TRPC4: variants seen among roughly 807,000 people sequenced by gnomAD.
TRPC4 encodes the protein transient receptor potential cation channel subfamily C member 4, also known as short transient receptor potential channel 4.
TRPC4 carries 49 observed loss-of-function variants against 99.4 expected under a neutral mutation model. The observed-to-expected ratio is 0.49, with a 90% CI of 0.39 to 0.63. TRPC4 has a LOEUF of 0.63. TRPC4 is among the 20% of genes least tolerant of loss of function. TRPC4 has a pLI of 0.00. For missense variants in TRPC4, 898 were observed against 1,152.9 expected (o/e 0.78, Z 3.20); for synonymous variants, 454 against 425.9 (o/e 1.07, Z -0.81).
intron 3 of TRPC4, among the ~76,000 whole-genome samples, chr13:37,721,273 C>G (rs191222876): frequency 6.6e-6 from 1 of 152,024 alleles, no homozygotes; most frequent in East Asian, 1.9e-4. Context: ...GTAGTAAGCT[C>G]AATTTATTTT....
At chr13:37,710,869 C>G (rs937910223) in intron 3 of TRPC4, among the ~76,000 whole-genome samples, 4 of 151,780 alleles carry the variant, frequency 2.6e-5, no homozygotes, top group African/African-American at 9.7e-5. Context: ...GAAAGATAGA[C>G]TATTGCTTTT....
chr13:37,709,851 T>G (rs1328840880), intron 3 of TRPC4, among the ~76,000 whole-genome samples: 1 of 152,004 alleles, frequency 6.6e-6, no homozygotes, highest in Non-Finnish European at 1.5e-5. Context: ...TTTTGAAAAT[T>G]TTTTTAGAAT....
chr13:37,741,287 C>T (rs904219952), intron 3 of TRPC4, among the ~76,000 whole-genome samples: 4 of 152,168 alleles, frequency 2.6e-5, no homozygotes, highest in African/African-American at 9.7e-5. Context: ...GGAATGACTA[C>T]ATGGAAGTAA....
chr13:37,765,475 C>T lies in TRPC4; in HGVS notation c.378+17481G>A, dbSNP rs79862856. ...CATGTGGAATTCAGCTGTTATTTGA[C>T]ATGTATTTCTCCCCTGATAGATTTT... On this transcript the variant is annotated intron_variant, in intron 2 of 10. Transcript: ENST00000379705. Among the ~76,000 whole-genome samples the T allele has an allele frequency of 2.7e-3, 412 of 151,402 alleles. 1 individual carries two copies. Among genetic ancestry groups the T allele is most frequent in the Non-Finnish European group, 5.3e-3 (358 of 67,530 alleles).
intron 2 of TRPC4, among the ~76,000 whole-genome samples, chr13:37,752,926 A>T (rs1423976433): frequency 6.6e-6 from 1 of 151,972 alleles, no homozygotes; most frequent in Non-Finnish European, 1.5e-5. Context: ...GGGTGGAAAA[A>T]GGTGTTTTGT....
chr13:37,664,388 A>G lies in TRPC4; in HGVS notation c.1375-659T>C, dbSNP rs375224451. ...TGGGAGTTCGCGACCAGCCTGACCAACATGGAGAAACCCCGTCTCTACTAA... is the reference window on the plus strand; with the variant it reads ...TGGGAGTTCGCGACCAGCCTGACCAGCATGGAGAAACCCCGTCTCTACTAA... On this transcript the variant is annotated intron_variant, in intron 5 of 10. Transcript: ENST00000379705. Among the ~76,000 whole-genome samples the G allele has an allele frequency of 5.3e-5, 8 of 152,230 alleles. No individual in the cohort carries two copies. The East Asian group carries it at 7.8e-4, about 15-fold the overall frequency.
At chr13:37,664,346 G>A (rs1473791155) in intron 5 of TRPC4, among the ~76,000 whole-genome samples, 3 of 152,148 alleles carry the variant, frequency 2.0e-5, no homozygotes, top group African/African-American at 7.2e-5. Context: ...GGCCGAAGCT[G>A]GCGAATTACC....
In TRPC4 at chr13:37,856,628, C is replaced by T. The variant is rs546508238; in HGVS notation, c.-28+12967G>A. Reference sequence around the variant, plus strand: ...TCTGATGAATATTGAGACAAAAATCCCCAACAAAATATGAGCAAACTGAAT... The same window carrying T: ...TCTGATGAATATTGAGACAAAAATCTCCAACAAAATATGAGCAAACTGAAT... On this transcript the variant is annotated intron_variant, in intron 1 of 10. Transcript: ENST00000379705. 1.2e-3 allele frequency among the ~76,000 whole-genome samples: 174 copies of T among 150,730 alleles called. 2 individuals are homozygous for T. The highest frequency in any genetic ancestry group is 0.01 in the Middle Eastern group (3 of 292).
chr13:37,782,889 AAAG>A, intron 2 of TRPC4, 64 bp downstream of exon 2: 3 of 1,229,402 alleles, frequency 2.4e-6, no homozygotes, highest in East Asian at 2.9e-5. Flanking sequence ...AAAAAAAAAG[AAAG>A]AAAAGAAAAA....
intron 2 of TRPC4, among the ~76,000 whole-genome samples, chr13:37,757,093 A>AAAC (rs1555267728): frequency 6.6e-6 from 1 of 151,684 alleles, no homozygotes. Flanking sequence ...AATACATTAA[A>AAAC]AAATATGCAA....
chr13:37,865,260 T>C (rs1959661891), intron 1 of TRPC4, among the ~76,000 whole-genome samples: 1 of 151,706 alleles, frequency 6.6e-6, no homozygotes, highest in South Asian at 2.1e-4. Context: ...CTAGAAATTT[T>C]ACATAACATT....
rs758336075 is a variant in TRPC4, at chr13:37,636,916, G to C, written c.2921C>G (p.Thr974Ser). The C allele has an allele frequency of 4.3e-6, 7 of 1,610,464 alleles. 1 individual carries two copies. In the Admixed American group the frequency reaches 1.2e-4, roughly 27 times the overall value. ...PDTVTHEDYV[T>S]TRL is the part of the protein sequence containing the mutation. ...CTCCTTCAAGTATCACAATCTTGTG[G>C]TCACGTAATCTTCGTGGGTGACTGT... Residue 974 changes from threonine (T) to serine (S), a missense_variant, in exon 11 of 11, where the codon ACC (threonine) becomes AGC (serine). Transcript: ENST00000379705.
chr13:37,700,397 C>T (rs1402892883), intron 3 of TRPC4, among the ~76,000 whole-genome samples: 3 of 152,146 alleles, frequency 2.0e-5, no homozygotes, highest in Non-Finnish European at 4.4e-5. Context: ...ATTTTCCACA[C>T]AGAGGAGTGG....
chr13:37,780,406 T>C (rs9315513), intron 2 of TRPC4, among the ~76,000 whole-genome samples: 79,302 of 151,742 alleles, frequency 0.52, 21,226 homozygotes, highest in East Asian at 0.78. Context: ...TTTTATCATT[T>C]GGCCTCAATG....
At chr13:37,681,035 T>A (rs1446771773) in intron 4 of TRPC4, among the ~76,000 whole-genome samples, 1 of 152,184 alleles carries the variant, frequency 6.6e-6, no homozygotes, top group Non-Finnish European at 1.5e-5. Flanking sequence ...TCAAATATTT[T>A]GTGAGGATTT....
intron 8 of TRPC4, among the ~76,000 whole-genome samples, chr13:37,644,220 G>A (rs975634903): frequency 6.6e-6 from 1 of 152,028 alleles, no homozygotes; most frequent in African/African-American, 2.4e-5. Flanking sequence ...GTAAAGATCA[G>A]CTGAACTTCA....
chr13:37,725,112 GTCGAT>G (rs1229876056), intron 3 of TRPC4, among the ~76,000 whole-genome samples: 4 of 152,028 alleles, frequency 2.6e-5, no homozygotes, highest in Admixed American at 2.6e-4. Flanking sequence ...TGAAAAAACA[GTCGAT>G]TCGAAAGCAG....
intron 3 of TRPC4, among the ~76,000 whole-genome samples, chr13:37,708,968 T>G (rs920029132): frequency 6.6e-6 from 1 of 152,050 alleles, no homozygotes; most frequent in African/African-American, 2.4e-5. Flanking sequence ...CATACTCTCT[T>G]TATTTTATTT....
At chr13:37,698,348 A>G (rs1436735303) in intron 3 of TRPC4, among the ~76,000 whole-genome samples, 1 of 150,712 alleles carries the variant, frequency 6.6e-6, no homozygotes, top group Non-Finnish European at 1.5e-5. Flanking sequence ...TTTTTAGTAG[A>G]GTCAGGGTTT....
Sources: allele counts gnomAD v4.1 joint callset (sites outside exome capture counted in the v4.1 genomes callset), GRCh38; gene constraint gnomAD v4.1.1; transcripts MANE v1.5; gene names NCBI Gene and HGNC (gene_info 2026-07-23, HGNC 2026-07-21).